Variants in TAOK3 observed in about 807,000 individuals in gnomAD.
TAOK3 encodes TAO kinase 3, also known as serine/threonine-protein kinase TAO3.
Under a neutral mutation model 120.4 loss-of-function variants are expected in TAOK3, and 40 were observed. The ratio of observed to expected loss-of-function variants is 0.33; its 90% CI spans 0.26 to 0.43. TAOK3 has a LOEUF of 0.43. Among genes scored for constraint, TAOK3 ranks in the 20% least tolerant of loss-of-function variants. The probability of loss-of-function intolerance (pLI) is 1.00; values close to 1 mark genes in which losing one functional copy is unlikely to be tolerated. For synonymous variants in TAOK3, 355 were observed against 387.5 expected (o/e 0.92, Z 0.99); for missense variants, 821 against 1,112.1 (o/e 0.74, Z 3.72).
intron 5 of TAOK3, among the ~76,000 whole-genome samples, chr12:118,241,439 C>T (rs1004662566): frequency 6.6e-6 from 1 of 152,078 alleles, no homozygotes; most frequent in African/African-American, 2.4e-5. Flanking sequence ...TTAAACCAAG[C>T]ATATGAAATG....
At chr12:118,189,967 G>A (rs2037342161) in intron 13 of TAOK3, 26 bp from the exon 14 acceptor site, 2 of 1,612,394 alleles carry the variant, frequency 1.2e-6, no homozygotes, top group African/African-American at 2.7e-5. Context: ...AAAACAAGGA[G>A]AAAGTCCAGC....
chr12:118,254,286 T>A (rs2140140781), intron 3 of TAOK3, among the ~76,000 whole-genome samples: 1 of 152,156 alleles, frequency 6.6e-6, no homozygotes, highest in Middle Eastern at 3.4e-3. Flanking sequence ...TGTCTGTTCA[T>A]CTGTTTATCT....
At chr12:118,248,203 GA>G (rs34130998) in intron 3 of TAOK3, among the ~76,000 whole-genome samples, 17,472 of 115,358 alleles carry the variant, frequency 0.15, 1,068 homozygotes, top group Middle Eastern at 0.21. Context: ...ATGTCAAAAT[GA>G]AAAAAAAAAA....
chr12:118,332,999 T>C (rs1407241393), intron 1 of TAOK3, among the ~76,000 whole-genome samples: 5 of 104,312 alleles, frequency 4.8e-5, no homozygotes, highest in African/African-American at 4.8e-5. Flanking sequence ...CACACACAGA[T>C]AGAGCTAAAA....
At chr12:118,226,524 C>T (rs1290667578) in intron 9 of TAOK3, among the ~76,000 whole-genome samples, 1 of 146,900 alleles carries the variant, frequency 6.8e-6, no homozygotes, top group Admixed American at 6.8e-5. Context: ...CAGAGCGAGA[C>T]TCCGTCTAAA....
At chr12:118,353,006 G>A (rs1057447299) in intron 1 of TAOK3, among the ~76,000 whole-genome samples, 2 of 152,082 alleles carry the variant, frequency 1.3e-5, no homozygotes, top group South Asian at 2.1e-4. Flanking sequence ...CACTGTGCCC[G>A]GCCTGAGTTG....
intron 1 of TAOK3, among the ~76,000 whole-genome samples, chr12:118,274,095 A>G (rs959404177): frequency 3.3e-5 from 5 of 152,140 alleles, no homozygotes; most frequent in Non-Finnish European, 5.9e-5. Flanking sequence ...ACGACTTCCC[A>G]TAAGACTTGA....
intron 15 of TAOK3, among the ~76,000 whole-genome samples, chr12:118,177,882 A>C (rs1039095569): frequency 6.6e-6 from 1 of 152,202 alleles, no homozygotes; most frequent in African/African-American, 2.4e-5. Context: ...TGGGAAAAAT[A>C]TGAAGGTGAA....
At chr12:118,174,623 A>G (rs1440174231) in intron 16 of TAOK3, among the ~76,000 whole-genome samples, 2 of 152,112 alleles carry the variant, frequency 1.3e-5, no homozygotes, top group Non-Finnish European at 2.9e-5. Flanking sequence ...GGATGAGTGG[A>G]CGCGTGGAGT....
intron 3 of TAOK3, among the ~76,000 whole-genome samples, chr12:118,254,531 A>G (rs1351542681): frequency 6.6e-6 from 1 of 152,216 alleles, no homozygotes; most frequent in African/African-American, 2.4e-5. Flanking sequence ...ATATAAGAAC[A>G]AGATGTTATG....
intron 9 of TAOK3, among the ~76,000 whole-genome samples, chr12:118,217,909 G>A (rs1232241075): frequency 8.1e-5 from 11 of 135,794 alleles, no homozygotes; most frequent in Non-Finnish European, 6.2e-5. Flanking sequence ...TCACCAGGGT[G>A]GAGTGCAGTG....
intron 1 of TAOK3, among the ~76,000 whole-genome samples, chr12:118,334,537 C>T (rs985602069): frequency 6.6e-6 from 1 of 151,936 alleles, no homozygotes; most frequent in African/African-American, 2.4e-5. Context: ...ATTTGCTGTA[C>T]AACACTGTAC....
At position 118,322,326 on chromosome 12, in the gene TAOK3, A is replaced by AG. The variant is rs201392896; in HGVS notation, c.-194+50321_-194+50322insC. The stretch of plus-strand genomic sequence containing the variant: ...TGAGACTGTCTCAAAAAAAAAAAAA[A>AG]AAAAAAAAATTGAAGAAAGACACTG... On this transcript the variant is annotated intron_variant, in intron 1 of 20. Transcript: ENST00000392533. 3.4e-4 allele frequency among the ~76,000 whole-genome samples: 51 copies of AG among 151,908 alleles called. No individual in the cohort carries two copies. In the East Asian group the frequency reaches 9.5e-3, roughly 28 times the overall value.
chr12:118,179,940 C>T (rs1374064642), intron 15 of TAOK3, among the ~76,000 whole-genome samples: 1 of 138,438 alleles, frequency 7.2e-6, no homozygotes, highest in Non-Finnish European at 1.5e-5. Context: ...GCCACCATGC[C>T]TGGCTGGTTT....
At chr12:118,181,246 A>G (rs1327724340) in intron 15 of TAOK3, 125 bp downstream of exon 15, 2 of 794,286 alleles carry the variant, frequency 2.5e-6, no homozygotes, top group Non-Finnish European at 4.2e-6. Context: ...TAGAAACCCA[A>G]TTTTGCCACC....
chr12:118,286,152 T>G (rs531369034), intron 1 of TAOK3, among the ~76,000 whole-genome samples: 10 of 152,308 alleles, frequency 6.6e-5, no homozygotes, highest in African/African-American at 2.4e-4. Context: ...AGATTTATTT[T>G]CCTTTCACAC....
At chr12:118,153,255 T>A (rs924371347) in intron 19 of TAOK3, among the ~76,000 whole-genome samples, 2 of 152,074 alleles carry the variant, frequency 1.3e-5, no homozygotes, top group Non-Finnish European at 2.9e-5. Flanking sequence ...AAAGATTTTT[T>A]AAAAAATTAG....
chr12:118,213,653 A>C (rs749905806), intron 10 of TAOK3, among the ~76,000 whole-genome samples: 1 of 152,124 alleles, frequency 6.6e-6, no homozygotes, highest in Non-Finnish European at 1.5e-5. Flanking sequence ...AGAAATAATG[A>C]CATCATAGAG....
At chr12:118,340,776 T>TA (rs1323607735) in intron 1 of TAOK3, among the ~76,000 whole-genome samples, 3,695 of 122,644 alleles carry the variant, frequency 0.03, 112 homozygotes, top group African/African-American at 0.086. Flanking sequence ...ATAAGAACCA[T>TA]AAAAAAAAAA....
Sources: gnomAD v4.1 joint callset for allele counts (sites outside exome capture counted in the v4.1 genomes callset) on GRCh38, gnomAD v4.1.1 for gene constraint, MANE v1.5 for transcripts, NCBI Gene and HGNC (gene_info 2026-07-23, HGNC 2026-07-21) for gene names.